VPS37C: variants seen among roughly 807,000 people sequenced by gnomAD.
VPS37C encodes vacuolar protein sorting-associated protein 37C.
A neutral mutation model predicts 16.1 loss-of-function variants in VPS37C; 9 were observed. The ratio of observed to expected loss-of-function variants is 0.56; its 90% confidence interval spans 0.34 to 0.97. The LOEUF (loss-of-function observed/expected upper bound fraction) is 0.97, where lower values mean the gene tolerates loss of function less well. Ranked by LOEUF, VPS37C falls within the 50% of genes least tolerant of loss-of-function variation. The pLI, the probability that VPS37C is intolerant of heterozygous loss-of-function variation, is 0.02. For synonymous variants in VPS37C, 207 were observed against 206.4 expected (o/e 1.00, Z -0.02); for missense variants, 479 against 472.7 (o/e 1.01, Z -0.12).
In VPS37C at chr11:61,132,863, G is replaced by A. The variant is rs935549104; in HGVS notation, c.349-324C>T. On this transcript the variant is annotated intron_variant, in intron 4 of 4. Coordinates refer to ENST00000301765, the MANE Select transcript of VPS37C (RefSeq NM_017966.5). Reference sequence around the variant, plus strand: ...TGAGCACTAGCCCAGGGACTGGGAGGGCCTAGAAGCTTCTTCCACCCAGAC... The same window carrying A: ...TGAGCACTAGCCCAGGGACTGGGAGAGCCTAGAAGCTTCTTCCACCCAGAC... 2.2e-5 allele frequency: 12 copies of A among 539,146 alleles called. No individual in the cohort carries two copies. The Admixed American group carries it at 2.9e-4, about 13-fold the overall frequency. 33.4% of individuals were successfully genotyped at this position (539,146 alleles called of 1,614,324 possible).
chr11:61,153,496 G>A (rs532208800), intron 1 of VPS37C, among the ~76,000 whole-genome samples: 144 of 152,312 alleles, frequency 9.5e-4, no homozygotes, highest in African/African-American at 3.2e-3. Flanking sequence ...AAGGAATGCT[G>A]ACTGGACAGG....
chr11:61,140,048 G>C (rs1486896493), intron 1 of VPS37C, among the ~76,000 whole-genome samples: 1 of 152,034 alleles, frequency 6.6e-6, no homozygotes, highest in Non-Finnish European at 1.5e-5. Flanking sequence ...CAGCTCCATA[G>C]CTTTAATGTT....
chr11:61,132,355 G>T lies in VPS37C; in HGVS notation c.533C>A (p.Pro178Gln). ...GDAPPPRPPP[P>Q]VRPVPQGTPP... The stretch of plus-strand genomic sequence containing the variant: ...TGTTCCCTGGGGGACTGGGCGCACC[G>T]GGGGTGGTGGACGGGGTGGAGGGGC... Residue 178 changes from proline (P) to glutamine (Q), a missense_variant, in exon 5 of 5, where the codon CCG (proline) becomes CAG (glutamine). By Grantham distance (76) the Pro-to-Gln change is moderately conservative. Coordinates refer to ENST00000301765, the MANE Select transcript of VPS37C (RefSeq NM_017966.5). The T allele has an allele frequency of 6.3e-7, 1 of 1,599,716 alleles. No individual in the cohort carries two copies.
At chr11:61,139,056 A>G (rs760670824) in intron 1 of VPS37C, among the ~76,000 whole-genome samples, 4 of 152,032 alleles carry the variant, frequency 2.6e-5, no homozygotes, top group Non-Finnish European at 4.4e-5. Flanking sequence ...CCACCCTCTC[A>G]TGAGCAACAG....
chr11:61,133,977 C>T (rs1027239837), intron 3 of VPS37C, 59 bp downstream of exon 3: 9 of 1,552,174 alleles, frequency 5.8e-6, no homozygotes, highest in Middle Eastern at 1.8e-4. Flanking sequence ...GCTGGGAACA[C>T]GGTGGGCCTC....
intron 1 of VPS37C, among the ~76,000 whole-genome samples, chr11:61,141,470 T>A (rs1861471597): frequency 6.6e-6 from 1 of 151,608 alleles, no homozygotes; most frequent in Non-Finnish European, 1.5e-5. Flanking sequence ...GGAGGAACAC[T>A]GGCAGCACAC....
intron 4 of VPS37C, 137 bp from the exon 5 acceptor site, chr11:61,132,676 C>A: frequency 8.8e-7 from 1 of 1,137,052 alleles, no homozygotes; most frequent in Non-Finnish European, 1.2e-6. Flanking sequence ...TGCCCATACG[C>A]CCCTTCTCAC....
intron 1 of VPS37C, among the ~76,000 whole-genome samples, chr11:61,149,522 T>C (rs1273372105): frequency 6.6e-6 from 1 of 152,180 alleles, no homozygotes; most frequent in East Asian, 1.9e-4. Flanking sequence ...GCAGTATTAA[T>C]TCCCACTCCC....
At chr11:61,154,382 A>G (rs1853347651) in intron 1 of VPS37C, among the ~76,000 whole-genome samples, 1 of 152,220 alleles carries the variant, frequency 6.6e-6, no homozygotes, top group Non-Finnish European at 1.5e-5. Flanking sequence ...AAGATATTTA[A>G]AAGACCCAAA....
chr11:61,151,470 CT>C (rs1232641987), intron 1 of VPS37C, among the ~76,000 whole-genome samples: 1 of 152,206 alleles, frequency 6.6e-6, no homozygotes, highest in African/African-American at 2.4e-5. Context: ...GCCCTGCACT[CT>C]TGCTTACTGT....
rs977247702 is a variant in VPS37C, at chr11:61,137,998, G to C, written c.93+739C>G. Among the ~76,000 whole-genome samples, 4 of 152,302 alleles carry C rather than the reference G, an allele frequency of 2.6e-5. No individual in the cohort carries two copies. The East Asian group carries it at 7.7e-4, about 29-fold the overall frequency. On this transcript the variant is annotated intron_variant, in intron 2 of 4. Coordinates refer to ENST00000301765, the MANE Select transcript of VPS37C (RefSeq NM_017966.5). Reference sequence around the variant, plus strand: ...AGAGACACACCATACCTGCTCATCCGTGCAAGTAAACATGTACTCCAAATG... The same window carrying C: ...AGAGACACACCATACCTGCTCATCCCTGCAAGTAAACATGTACTCCAAATG...
chr11:61,136,004 G>C (rs1047859944), intron 2 of VPS37C, among the ~76,000 whole-genome samples: 4 of 152,208 alleles, frequency 2.6e-5, no homozygotes, highest in African/African-American at 9.6e-5. Context: ...GATAGAAGAA[G>C]TAAGTTCTAA....
intron 1 of VPS37C, among the ~76,000 whole-genome samples, chr11:61,154,922 T>C (rs981900222): frequency 2.0e-5 from 3 of 151,764 alleles, no homozygotes; most frequent in South Asian, 2.1e-4. Context: ...CTGGGCAACA[T>C]AGTGAGACCC....
At chr11:61,145,165 A>T (rs1196454073) in intron 1 of VPS37C, 1 of 152,270 alleles carries the variant, frequency 6.6e-6, no homozygotes, top group Non-Finnish European at 1.5e-5. Context: ...ATGTAAAGCC[A>T]GCATGAGCTT....
intron 1 of VPS37C, among the ~76,000 whole-genome samples, chr11:61,148,578 TAAAAAA>T (rs148831092): frequency 7.0e-6 from 1 of 143,598 alleles, no homozygotes; most frequent in Non-Finnish European, 1.5e-5. Context: ...CACAGGAGGT[TAAAAAA>T]AAAAAAAAAA....
intron 1 of VPS37C, among the ~76,000 whole-genome samples, chr11:61,150,266 T>A (rs1258053976): frequency 6.6e-6 from 1 of 152,140 alleles, no homozygotes; most frequent in Non-Finnish European, 1.5e-5. Flanking sequence ...CCAAAGGCTC[T>A]CACACACACC....
In VPS37C at chr11:61,130,737, T is replaced by C; in HGVS notation, c.*1083A>G. 2.4e-6 allele frequency: 1 copy of C among 420,372 alleles called. No individual in the cohort carries two copies. The highest frequency in any genetic ancestry group is 4.6e-6 in the Non-Finnish European group (1 of 215,518). 26.0% of individuals were successfully genotyped at this position (420,372 alleles called of 1,614,324 possible). On this transcript the variant is annotated 3_prime_UTR_variant, in exon 5 of 5. Coordinates refer to ENST00000301765, the MANE Select transcript of VPS37C (RefSeq NM_017966.5). ...GACATAATCCCCACCCTTTACATTC[T>C]GAAGACAGGGAGGTGTGAAAAAATT...
chr11:61,131,840 G>A lies in VPS37C; in HGVS notation c.1048C>T (p.Pro350Ser). The A allele has an allele frequency of 2.4e-6, 3 of 1,260,332 alleles. No individual in the cohort carries two copies. Among genetic ancestry groups the A allele is most frequent in the Non-Finnish European group, 3.0e-6 (3 of 997,548 alleles). 78.1% of individuals were successfully genotyped at this position (1,260,332 alleles called of 1,614,324 possible). The change falls in exon 5 of 5, where the codon CCT becomes TCT. Residue 350 changes from proline (P) to serine (S), a missense_variant. Physicochemically the swap from Pro to Ser is moderately conservative, Grantham distance 74 (BLOSUM62 -1). Transcript: ENST00000301765. ...TGTGTCTAATACCCAGGCCAGGCAG[G>A]CCCCGGCGGTGGTGGGAACCCATAG... is the stretch of plus-strand genomic sequence containing the variant. The part of the protein sequence containing the change: ...PPYGFPPPPG[P>S]AWPGY
At chr11:61,146,181 G>A (rs1481189446) in intron 1 of VPS37C, among the ~76,000 whole-genome samples, 2 of 152,160 alleles carry the variant, frequency 1.3e-5, no homozygotes, top group East Asian at 1.9e-4. Flanking sequence ...CCGCCTGCTC[G>A]CATTTCTCCA....
Sources: allele counts gnomAD v4.1 joint callset (sites outside exome capture counted in the v4.1 genomes callset), GRCh38; gene constraint gnomAD v4.1.1; transcripts MANE v1.5; gene names NCBI Gene and HGNC (gene_info 2026-07-23, HGNC 2026-07-21).